Variants in CES5A observed in about 807,000 individuals in gnomAD.
CES5A encodes carboxylesterase 5.
A neutral mutation model predicts 62.9 loss-of-function variants in CES5A; 67 were observed. The ratio of observed to expected loss-of-function variants is 1.07; its 90% CI spans 0.88 to 1.31. The LOEUF is 1.31. Ranked by LOEUF, CES5A falls within the 50% of genes most tolerant of loss-of-function variation. The probability of loss-of-function intolerance (pLI) is 0.00; values close to 1 mark genes in which losing one functional copy is unlikely to be tolerated. For missense variants in CES5A, 748 were observed against 708.5 expected (o/e 1.06, Z -0.63); for synonymous variants, 296 against 280.8 (o/e 1.05, Z -0.54).
chr16:55,948,415 AAC>A (rs1465655846), intron 2 of CES5A, among the ~76,000 whole-genome samples: 2 of 152,188 alleles, frequency 1.3e-5, no homozygotes, highest in African/African-American at 2.4e-5. Context: ...AGATAAAGTA[AAC>A]ACAGTACAGG....
intron 8 of CES5A, among the ~76,000 whole-genome samples, chr16:55,858,763 C>T (rs2142393450): frequency 6.6e-6 from 1 of 152,318 alleles, no homozygotes; most frequent in African/African-American, 2.4e-5. Flanking sequence ...TTTGAAGTCT[C>T]CACTCCTCTG....
chr16:55,846,584 T>C lies in CES5A; in HGVS notation c.1595A>G (p.Lys532Arg). The C allele has an allele frequency of 1.2e-6, 2 of 1,614,190 alleles. No homozygotes were observed. Among genetic ancestry groups the C allele is most frequent in the African/African-American group, 1.3e-5 (1 of 75,050 alleles). Residue 532 changes from lysine to arginine, a missense_variant, in exon 13 of 13, where the codon AAA becomes AGA. By Grantham distance (26) the Lys-to-Arg change is conservative. Coordinates refer to ENST00000290567, the MANE Select transcript of CES5A (RefSeq NM_001143685.2). ...DLNMSLGQRL[K>R]EPRVDFWTST... ...GGTCCAAAAATCCACCCGCGGTTCT[T>C]TGAGTCTCTGTCCGAGGCTCATGTT...
In CES5A at chr16:55,886,013, A is replaced by G. The variant is rs76801289; in HGVS notation, c.-255-11976T>C. Among the ~76,000 whole-genome samples the G allele has an allele frequency of 2.3e-3, 352 of 152,316 alleles. 2 individuals carry two copies. Among genetic ancestry groups the G allele is most frequent in the Non-Finnish European group, 3.5e-3 (238 of 68,034 alleles). On this transcript the variant is annotated intron_variant, in intron 1 of 12. Transcript: ENST00000518005. ...CTCTACTGCACCAATGCTTCCCCTC[A>G]ATCACATCCGTCCACTGCCTCATGG...
intron 1 of CES5A, among the ~76,000 whole-genome samples, chr16:55,896,870 T>C (rs2033939751): frequency 6.6e-6 from 1 of 152,210 alleles, no homozygotes; most frequent in Non-Finnish European, 1.5e-5. Context: ...CCCTGAATAC[T>C]GAATGGCAGA....
rs773771399 is a variant in CES5A at position 55,846,527 on chromosome 16, T to C, written c.1652A>G (p.Asp551Gly). The C allele has an allele frequency of 4.3e-6, 7 of 1,614,110 alleles. No homozygotes were observed. The highest frequency in any genetic ancestry group is 5.9e-6 in the Non-Finnish European group (7 of 1,180,004). ...STIPLILSAS[D>G]MLHSPLSSLT... ...GGAAGAAAGAGGACTGTGGAGCATG[T>C]CGGAGGCAGACAGGATCAGGGGGAT... Residue 551 changes from aspartate (D) to glycine (G), a missense_variant, in exon 13 of 13, where the codon GAC becomes GGC. Coordinates refer to ENST00000290567, the MANE Select transcript of CES5A (RefSeq NM_001143685.2).
intron 9 of CES5A, among the ~76,000 whole-genome samples, chr16:55,855,527 G>A (rs546553081): frequency 6.6e-6 from 1 of 152,320 alleles, no homozygotes; most frequent in African/African-American, 2.4e-5. Flanking sequence ...TCCCATGTGT[G>A]TTTCAGCATT....
At chr16:55,904,702 A>G (rs2034021973) in intron 1 of CES5A, among the ~76,000 whole-genome samples, 1 of 152,240 alleles carries the variant, frequency 6.6e-6, no homozygotes, top group Admixed American at 6.5e-5. Context: ...TCAGTGATTT[A>G]CCTATAGTAG....
At chr16:55,903,387 C>T (rs1179266669) in intron 1 of CES5A, among the ~76,000 whole-genome samples, 1 of 152,098 alleles carries the variant, frequency 6.6e-6, no homozygotes, top group Admixed American at 6.5e-5. Flanking sequence ...AAAAAAGAAA[C>T]AAAGGAATTG....
chr16:55,875,758 C>T (rs1430691391), upstream of CES5A, among the ~76,000 whole-genome samples: 1 of 152,234 alleles, frequency 6.6e-6, no homozygotes, highest in Non-Finnish European at 1.5e-5. Context: ...CTACAGCCTC[C>T]TTGGCAACCT....
intron 1 of CES5A, among the ~76,000 whole-genome samples, chr16:55,892,605 CT>C (rs1469931886): frequency 6.6e-6 from 1 of 151,464 alleles, no homozygotes; most frequent in Non-Finnish European, 1.5e-5. Context: ...ATAATTTTGG[CT>C]TTTTTTAATT....
At chr16:55,882,858 G>T (rs2033775583) in intron 1 of CES5A, among the ~76,000 whole-genome samples, 2 of 150,504 alleles carry the variant, frequency 1.3e-5, no homozygotes, top group Non-Finnish European at 2.9e-5. Flanking sequence ...CAGAGGGCTG[G>T]CCACCTCTTG....
chr16:55,902,399 C>T (rs1401445684), intron 1 of CES5A, among the ~76,000 whole-genome samples: 1 of 152,162 alleles, frequency 6.6e-6, no homozygotes, highest in Non-Finnish European at 1.5e-5. Context: ...TTATTACAAT[C>T]ATTAACTTGT....
At chr16:55,872,455 G>A (rs760554221) in intron 2 of CES5A, among the ~76,000 whole-genome samples, 1 of 152,176 alleles carries the variant, frequency 6.6e-6, no homozygotes, top group Non-Finnish European at 1.5e-5. Flanking sequence ...GGTTGTGCGT[G>A]TGCATTATCA....
At chr16:55,923,417 G>A (rs1388254134) in intron 1 of CES5A, among the ~76,000 whole-genome samples, 4 of 151,700 alleles carry the variant, frequency 2.6e-5, no homozygotes, top group Non-Finnish European at 5.9e-5. Flanking sequence ...GGAAAACCTA[G>A]AAGAAATGGA....
At chr16:55,863,087 G>A (rs1429850468) in intron 6 of CES5A, among the ~76,000 whole-genome samples, 1 of 152,182 alleles carries the variant, frequency 6.6e-6, no homozygotes, top group Non-Finnish European at 1.5e-5. Context: ...TCTATCACAA[G>A]CAAAGAATAA....
intron 4 of CES5A, among the ~76,000 whole-genome samples, chr16:55,868,064 A>C (rs3887926): frequency 0.054 from 8,277 of 152,194 alleles, 742 homozygotes; most frequent in African/African-American, 0.19. Context: ...GGATAAAGCC[A>C]AAACTCCATG....
At chr16:55,951,195 A>G (rs192925294) in intron 1 of CES5A, among the ~76,000 whole-genome samples, 2 of 151,974 alleles carry the variant, frequency 1.3e-5, no homozygotes, top group Non-Finnish European at 2.9e-5. Flanking sequence ...TCCAACGAAC[A>G]AAACAGATTA....
intron 11 of CES5A, among the ~76,000 whole-genome samples, chr16:55,847,331 CTCTCTCTGTTCCT>C (rs1466705764): frequency 1.3e-5 from 2 of 151,002 alleles, no homozygotes; most frequent in Non-Finnish European, 3.0e-5. Flanking sequence ...TCTTTCTTCC[CTCTCTCTGTTCCT>C]TCTCTCCCTG....
intron 1 of CES5A, among the ~76,000 whole-genome samples, chr16:55,892,301 C>T (rs2033888515): frequency 6.6e-6 from 1 of 152,132 alleles, no homozygotes; most frequent in Admixed American, 6.5e-5. Flanking sequence ...CCTTTCTGGA[C>T]CAAACCAATC....
Sources: allele counts gnomAD v4.1 joint callset (sites outside exome capture counted in the v4.1 genomes callset), GRCh38; gene constraint gnomAD v4.1.1; transcripts MANE v1.5; gene names NCBI Gene and HGNC (gene_info 2026-07-23, HGNC 2026-07-21).